MYH15: variants seen among roughly 807,000 people sequenced by gnomAD.
MYH15 encodes myosin-15.
In MYH15, 227 loss-of-function variants were observed where a neutral mutation model predicts 240.5. The observed-to-expected ratio is 0.94, with a 90% CI of 0.85 to 1.05. The LOEUF (loss-of-function observed/expected upper bound fraction) is 1.05. MYH15 is among the 50% of genes least tolerant of loss of function. The pLI, the probability that MYH15 is intolerant of heterozygous loss-of-function variation, is 0.00. For synonymous variants in MYH15, 785 were observed against 796.7 expected, an observed-to-expected ratio of 0.99 and a Z score of 0.25; for missense variants, 2,217 against 2,247.5, an observed-to-expected ratio of 0.99 and a Z score of 0.27.
chr3:108,399,330 CTA>C, intron 33 of MYH15, 63 bp from the exon 34 acceptor site: 1 of 1,348,630 alleles, frequency 7.4e-7, no homozygotes, highest in Non-Finnish European at 1.0e-6. Flanking sequence ...AATTCACCTG[CTA>C]TGTTTAAAAC....
Position 108,416,928 on chromosome 3 carries a change from C to T in MYH15, c.3832G>A (p.Glu1278Lys), listed in dbSNP as rs1028801593. ...TTCTCTTCAAGCCTCCGTAGGAACT[C>T]GCCTACAGAAAGATTTCACAAAACT... Reference protein sequence around the residue: ...QKTKLWSESGEFLRRLEEKEA... With the variant: ...QKTKLWSESGKFLRRLEEKEA... The change falls in exon 29 of 41, where the codon GAG becomes AAG. Residue 1278 changes from glutamate to lysine, a missense_variant and splice_region_variant. Physicochemically the swap from Glu to Lys is moderately conservative, Grantham distance 56. Transcript: ENST00000693548. 5.6e-6 allele frequency: 9 copies of T among 1,607,402 alleles called. No homozygotes were observed. In the African/African-American group the frequency reaches 9.4e-5, roughly 17 times the overall value.
chr3:108,434,269 G>A (rs79838400), intron 25 of MYH15, among the ~76,000 whole-genome samples: 22,851 of 144,360 alleles, frequency 0.16, 1,925 homozygotes, highest in South Asian at 0.27. Context: ...CTCAATCTCT[G>A]CCTCCCAGGT....
chr3:108,498,960 G>A (rs12152321), intron 5 of MYH15, among the ~76,000 whole-genome samples: 35,489 of 152,176 alleles, frequency 0.23, 4,760 homozygotes, highest in Non-Finnish European at 0.3. Context: ...AGATATCACT[G>A]TGACACTTCC....
At chr3:108,449,058 T>G (rs1393337138) in intron 21 of MYH15, among the ~76,000 whole-genome samples, 3 of 151,968 alleles carry the variant, frequency 2.0e-5, no homozygotes, top group Non-Finnish European at 4.4e-5. Flanking sequence ...AAGAGCTGCA[T>G]GTTGAAAACT....
chr3:108,414,408 A>G lies in MYH15; in HGVS notation c.3969T>C (p.His1323=). 2 of 1,614,112 alleles carry G rather than the reference A, an allele frequency of 1.2e-6. No individual in the cohort carries two copies. Among genetic ancestry groups the G allele is most frequent in the Non-Finnish European group, 1.7e-6 (2 of 1,180,018 alleles). ...AGTCACGCTGAGCCTTCTGCAGGGCATGGGCCAGGGCACTCTGGGACTGTA... is the reference window on the plus strand; with the variant it reads ...AGTCACGCTGAGCCTTCTGCAGGGCGTGGGCCAGGGCACTCTGGGACTGTA... The part of the protein sequence containing the change: ...KETKSQSALA[H]ALQKAQRDCD... Residue 1323 remains histidine, a synonymous_variant, in exon 30 of 41, where the codon CAT becomes CAC. Transcript: ENST00000693548.
Position 108,381,332 on chromosome 3 carries a change from G to A in MYH15, c.*213C>T, listed in dbSNP as rs2082341801. ...AATCTGTCATGTGAAGCATTAGAAG[G>A]TAGTTTACTTGCATTTGAGGATCAA... On this transcript the variant is annotated 3_prime_UTR_variant, in exon 41 of 41. Transcript: ENST00000693548. 6.6e-6 allele frequency: 4 copies of A among 603,046 alleles called. No homozygotes were observed. In the Admixed American group the frequency reaches 8.5e-5, roughly 13 times the overall value. The allele number at this position is 603,046 out of a possible 1,614,324, so 37.4% of individuals were successfully genotyped here.
At chr3:108,400,515 G>A (rs893601390) in intron 33 of MYH15, among the ~76,000 whole-genome samples, 3 of 152,162 alleles carry the variant, frequency 2.0e-5, no homozygotes, top group Non-Finnish European at 4.4e-5. Flanking sequence ...AGTGTCCTAA[G>A]CTCTGTGAGG....
chr3:108,527,179 G>C (rs1455477183), intron 1 of MYH15, among the ~76,000 whole-genome samples: 6 of 152,066 alleles, frequency 3.9e-5, no homozygotes, highest in Non-Finnish European at 7.4e-5. Flanking sequence ...TACTTGTCTG[G>C]GGGATCTCAC....
chr3:108,529,935 T>C (rs1052191763), upstream of MYH15, among the ~76,000 whole-genome samples: 1 of 152,154 alleles, frequency 6.6e-6, no homozygotes, highest in African/African-American at 2.4e-5. Flanking sequence ...CAGAGAGAGC[T>C]CTGGGGAACT....
chr3:108,535,775 T>C, the MYH15 span, among the ~76,000 whole-genome samples: 2 of 152,226 alleles, frequency 1.3e-5, no homozygotes, highest in East Asian at 3.9e-4. Context: ...TATTTGATCT[T>C]CTTATAGTTA....
upstream of MYH15, among the ~76,000 whole-genome samples, chr3:108,533,476 T>C (rs1228261920): frequency 6.6e-6 from 1 of 152,108 alleles, no homozygotes; most frequent in Non-Finnish European, 1.5e-5. Flanking sequence ...GATGATCAAA[T>C]AAGAGAATGT....
Position 108,410,587 on chromosome 3 carries a change from G to C in MYH15, c.4491C>G (p.Leu1497=). ...QETLRRENKN[L]QEEISNLTNQ... The stretch of plus-strand genomic sequence containing the variant: ...TCTGAGCCCAGCTCGGTGTACCTTG[G>C]AGGTTCTTGTTCTCCCTCCTGAGTG... The change falls in exon 31 of 41, where the codon CTC becomes CTG. Residue 1497 remains leucine, a synonymous_variant. Coordinates refer to ENST00000693548, the MANE Select transcript of MYH15 (RefSeq NM_014981.3). 1 of 1,587,446 alleles carries C rather than the reference G, an allele frequency of 6.3e-7. No homozygotes were observed. The highest frequency in any genetic ancestry group is 1.1e-5 in the South Asian group (1 of 89,080).
At chr3:108,401,287 G>A (rs914873940) in intron 33 of MYH15, among the ~76,000 whole-genome samples, 2 of 152,136 alleles carry the variant, frequency 1.3e-5, no homozygotes, top group Non-Finnish European at 2.9e-5. Context: ...AATCCAATGG[G>A]ACTAGTTAGC....
At chr3:108,509,750 G>A (rs1156984553) in intron 1 of MYH15, among the ~76,000 whole-genome samples, 1 of 152,096 alleles carries the variant, frequency 6.6e-6, no homozygotes, top group Non-Finnish European at 1.5e-5. Context: ...ACACAGACAT[G>A]TAAAGGTAGC....
chr3:108,516,533 C>T (rs1180838237), intron 1 of MYH15, among the ~76,000 whole-genome samples: 2 of 152,152 alleles, frequency 1.3e-5, no homozygotes, highest in Admixed American at 1.3e-4. Flanking sequence ...GGAAATGCTG[C>T]AAGATGCTCC....
intron 6 of MYH15, among the ~76,000 whole-genome samples, chr3:108,496,930 C>T (rs758563265): frequency 1.1e-4 from 16 of 151,404 alleles, no homozygotes; most frequent in East Asian, 3.9e-4. Context: ...TGGAGGCCTA[C>T]GCGGGAGGAT....
chr3:108,396,877 C>T (rs776559808), intron 35 of MYH15, among the ~76,000 whole-genome samples: 9 of 152,112 alleles, frequency 5.9e-5, no homozygotes, highest in Non-Finnish European at 1.0e-4. Flanking sequence ...TTCTTTTATC[C>T]AGTATTTTTC....
At chr3:108,436,128 G>C (rs1422945238) in intron 25 of MYH15, among the ~76,000 whole-genome samples, 1 of 152,054 alleles carries the variant, frequency 6.6e-6, no homozygotes, top group Non-Finnish European at 1.5e-5. Flanking sequence ...TATTGTTTCA[G>C]ATATACATAG....
chr3:108,407,873 T>C (rs1350646409), intron 32 of MYH15, among the ~76,000 whole-genome samples: 1 of 152,232 alleles, frequency 6.6e-6, no homozygotes, highest in Admixed American at 6.5e-5. Context: ...CCAAGGGATC[T>C]TGTTAAAATG....
Sources: allele counts gnomAD v4.1 joint callset (sites outside exome capture counted in the v4.1 genomes callset), GRCh38; gene constraint gnomAD v4.1.1; transcripts MANE v1.5; gene names NCBI Gene and HGNC (gene_info 2026-07-23, HGNC 2026-07-21).